DCP2: variants seen among roughly 807,000 people sequenced by gnomAD.
DCP2 encodes m7GpppN-mRNA hydrolase.
DCP2 carries 30 observed loss-of-function variants against 56.1 expected under a neutral mutation model. The ratio of observed to expected loss-of-function variants is 0.53; its 90% CI spans 0.40 to 0.73. The LOEUF is 0.73. Among genes scored for constraint, DCP2 ranks in the 30% least tolerant of loss-of-function variants. The probability of loss-of-function intolerance (pLI) is 0.00; values close to 1 mark genes in which losing one functional copy is unlikely to be tolerated. For missense variants in DCP2, 533 were observed against 502.7 expected (o/e 1.06, Z -0.58); for synonymous variants, 197 against 163.3 (o/e 1.21, Z -1.57).
At position 112,993,439 on chromosome 5, in the gene DCP2, A is replaced by C. The variant is rs149177136; in HGVS notation, c.432+669A>C. ...CAGGAGTTCGAGACCAGCCTGACCA[A>C]CATGGAGAAACCCCGTCTCTGCTAA... On this transcript the variant is annotated intron_variant, in intron 4 of 10. Transcript: ENST00000389063. 4.9e-3 allele frequency among the ~76,000 whole-genome samples: 743 copies of C among 152,176 alleles called. 7 individuals are homozygous for C. The highest frequency in any genetic ancestry group is 0.017 in the African/African-American group (710 of 41,524).
intron 4 of DCP2, among the ~76,000 whole-genome samples, chr5:112,998,683 TAATTC>T (rs1347858408): frequency 1.3e-5 from 2 of 152,214 alleles, no homozygotes; most frequent in African/African-American, 4.8e-5. Context: ...AAGAATAGAT[TAATTC>T]AAAGAATAGA....
chr5:113,000,001 C>T (rs1322445876), intron 4 of DCP2, among the ~76,000 whole-genome samples: 1 of 142,730 alleles, frequency 7.0e-6, no homozygotes, highest in Non-Finnish European at 1.5e-5. Context: ...GCAGAGGTTG[C>T]ACTGAGCCAG....
chr5:113,009,466 G>A (rs893779833), intron 9 of DCP2, among the ~76,000 whole-genome samples: 1 of 152,186 alleles, frequency 6.6e-6, no homozygotes, highest in Non-Finnish European at 1.5e-5. Flanking sequence ...TGGCAAAGAT[G>A]AAAAGAAGTA....
At chr5:112,984,017 G>A (rs897474002) in intron 1 of DCP2, 2 of 152,144 alleles carry the variant, frequency 1.3e-5, no homozygotes, top group Non-Finnish European at 2.9e-5. Context: ...GTGAATTAAG[G>A]AGGATGAAAA....
In DCP2 at chr5:113,016,140, C is replaced by G. The variant is rs961109987; in HGVS notation, c.*2656C>G. The G allele has an allele frequency of 3.3e-5, 5 of 152,536 alleles. No individual in the cohort carries two copies. Among genetic ancestry groups the G allele is most frequent in the African/African-American group, 1.2e-4 (5 of 41,414 alleles). 9.4% of individuals were successfully genotyped at this position (152,536 alleles called of 1,614,324 possible). A position where few individuals can be genotyped will look rare whatever the true frequency, so the allele number is the denominator to read the frequency against. On this transcript the variant is annotated 3_prime_UTR_variant, in exon 11 of 11. Coordinates refer to ENST00000389063, the MANE Select transcript of DCP2 (RefSeq NM_152624.6). ...TATAACTTTAATGATTTATAAGATGCTAAATGAATTGTTTTTGTACCTAAC... is the reference window on the plus strand; with the variant it reads ...TATAACTTTAATGATTTATAAGATGGTAAATGAATTGTTTTTGTACCTAAC...
chr5:112,992,543 T>C (rs1264296604), intron 3 of DCP2, 129 bp from the exon 4 acceptor site: 4 of 754,626 alleles, frequency 5.3e-6, no homozygotes, highest in Non-Finnish European at 6.4e-6. Context: ...GAAGATACTT[T>C]AAGAAAATAC....
chr5:112,988,800 TAACTA>T (rs1437249125), intron 2 of DCP2, among the ~76,000 whole-genome samples: 6 of 152,226 alleles, frequency 3.9e-5, no homozygotes, highest in African/African-American at 1.4e-4. Context: ...TAAGGAAACG[TAACTA>T]AGATAACCAA....
At chr5:113,010,135 C>G (rs1749618413) in intron 9 of DCP2, among the ~76,000 whole-genome samples, 1 of 151,156 alleles carries the variant, frequency 6.6e-6, no homozygotes, top group Admixed American at 6.6e-5. Flanking sequence ...TTGGTTCAAG[C>G]AGTCCTCCCA....
chr5:112,986,568 C>G (rs951496965), intron 2 of DCP2, among the ~76,000 whole-genome samples: 1 of 151,904 alleles, frequency 6.6e-6, no homozygotes, highest in Non-Finnish European at 1.5e-5. Context: ...GAACTCCTGG[C>G]CTCAAGTGAT....
At chr5:112,983,612 T>C (rs1748112017) in intron 1 of DCP2, among the ~76,000 whole-genome samples, 1 of 152,004 alleles carries the variant, frequency 6.6e-6, no homozygotes, top group Admixed American at 6.6e-5. Context: ...GTCTATGGAA[T>C]GACAGTGTAG....
At chr5:112,986,011 C>T in intron 2 of DCP2, 25 bp downstream of exon 2, 2 of 1,495,172 alleles carry the variant, frequency 1.3e-6, no homozygotes, top group Non-Finnish European at 1.8e-6. Flanking sequence ...ACTATAATGA[C>T]TGACTTTCTT....
intron 4 of DCP2, among the ~76,000 whole-genome samples, chr5:112,998,411 C>G (rs1430620078): frequency 1.3e-5 from 2 of 152,226 alleles, no homozygotes; most frequent in East Asian, 3.8e-4. Flanking sequence ...TCCCCCAACT[C>G]TCAAAGACGT....
intron 4 of DCP2, among the ~76,000 whole-genome samples, chr5:112,993,170 C>T (rs1245896236): frequency 6.6e-6 from 1 of 152,104 alleles, no homozygotes; most frequent in African/African-American, 2.4e-5. Context: ...TTGCTGAAAA[C>T]CCAGTAAGGC....
Position 112,992,749 on chromosome 5 carries a change from T to A in DCP2, c.411T>A (p.Pro137=). 1 of 1,587,404 alleles carries A rather than the reference T, an allele frequency of 6.3e-7. No individual in the cohort carries two copies. Among genetic ancestry groups the A allele is most frequent in the Non-Finnish European group, 8.5e-7 (1 of 1,173,226 alleles). Residue 137 remains proline, a synonymous_variant, in exon 4 of 11, where the codon CCT becomes CCA. Transcript: ENST00000389063. The part of the protein sequence containing the change: ...PKGKVNKEEA[P]HDCAAREVFE... ...GAAAAGTAAATAAAGAAGAAGCTCC[T>A]CATGATTGTGCTGCTAGAGAGGTAA...
chr5:112,984,722 A>ATATATT (rs1328543744), intron 1 of DCP2: 2 of 134,320 alleles, frequency 1.5e-5, no homozygotes, highest in Admixed American at 7.4e-5. Context: ...ATATATATAT[A>ATATATT]TATTTGAGAC....
intron 8 of DCP2, among the ~76,000 whole-genome samples, chr5:113,004,583 T>G (rs1749325367): frequency 6.6e-6 from 1 of 152,210 alleles, no homozygotes; most frequent in Non-Finnish European, 1.5e-5. Flanking sequence ...AGTGCTGCTG[T>G]GAACATTCCT....
chr5:113,007,218 C>A (rs1168981457), intron 8 of DCP2, among the ~76,000 whole-genome samples: 2 of 151,944 alleles, frequency 1.3e-5, no homozygotes, highest in East Asian at 3.9e-4. Context: ...TAATTTAAAG[C>A]AGATTTCTAG....
chr5:112,990,878 A>T (rs980523638), intron 2 of DCP2, among the ~76,000 whole-genome samples: 17 of 124,048 alleles, frequency 1.4e-4, no homozygotes, highest in African/African-American at 3.6e-4. Flanking sequence ...AATGAATTTA[A>T]TGTGATTTTT....
chr5:112,986,937 A>G (rs1156573454), intron 2 of DCP2, among the ~76,000 whole-genome samples: 1 of 152,168 alleles, frequency 6.6e-6, no homozygotes, highest in African/African-American at 2.4e-5. Flanking sequence ...TGGGAGGTGC[A>G]GGTTACAGTG....
Sources: allele counts gnomAD v4.1 joint callset (sites outside exome capture counted in the v4.1 genomes callset), GRCh38; gene constraint gnomAD v4.1.1; transcripts MANE v1.5; gene names NCBI Gene and HGNC (gene_info 2026-07-23, HGNC 2026-07-21).